SGCD: variants seen among roughly 807,000 people sequenced by gnomAD.
SGCD encodes the protein sarcoglycan delta, also known as delta-sarcoglycan.
In SGCD, 18 loss-of-function variants were observed where a neutral mutation model predicts 36.6. The observed-to-expected ratio is 0.49, with a 90% CI of 0.34 to 0.73. The LOEUF (loss-of-function observed/expected upper bound fraction) is 0.73, where lower values mean the gene tolerates loss of function less well. SGCD is among the 30% of genes least tolerant of loss of function. The pLI, the probability that SGCD is intolerant of heterozygous loss-of-function variation, is 0.01. For synonymous variants in SGCD, 133 were observed against 130.6 expected, an observed-to-expected ratio of 1.02 and a Z score of -0.12; for missense variants, 387 against 346.7, an observed-to-expected ratio of 1.12 and a Z score of -0.92.
chr5:156,662,934 G>T (rs1763989767), intron 7 of SGCD, among the ~76,000 whole-genome samples: 1 of 150,210 alleles, frequency 6.7e-6, no homozygotes, highest in Non-Finnish European at 1.5e-5. Flanking sequence ...CCAAGTTAGT[G>T]GTATGGGTTT....
chr5:156,428,177 G>A (rs551439515), intron 3 of SGCD, among the ~76,000 whole-genome samples: 1 of 151,882 alleles, frequency 6.6e-6, no homozygotes, highest in African/African-American at 2.4e-5. Flanking sequence ...GACTTTTTTT[G>A]TTGGTAGGTA....
chr5:156,492,574 AATT>A (rs1317602962), intron 3 of SGCD, among the ~76,000 whole-genome samples: 4 of 152,226 alleles, frequency 2.6e-5, no homozygotes, highest in South Asian at 4.1e-4. Flanking sequence ...TTTTTTTAAA[AATT>A]ATTATACTTT....
At chr5:155,930,612 G>C (rs1757080902) in intron 1 of SGCD, among the ~76,000 whole-genome samples, 1 of 152,082 alleles carries the variant, frequency 6.6e-6, no homozygotes. Context: ...TGCAGGTCTG[G>C]GAGTAGGGTC....
At chr5:156,030,312 G>T (rs1241510476) in intron 1 of SGCD, among the ~76,000 whole-genome samples, 5 of 152,172 alleles carry the variant, frequency 3.3e-5, no homozygotes, top group African/African-American at 4.8e-5. Context: ...TTAAGGCGAG[G>T]TCATATTGGG....
chr5:156,695,136 G>T (rs75928274), intron 7 of SGCD, among the ~76,000 whole-genome samples: 3,245 of 48,972 alleles, frequency 0.066, 94 homozygotes, highest in African/African-American at 0.15. Context: ...GTGTGTGTGT[G>T]TTTGTGTGTG....
At chr5:156,371,003 CT>C (rs1770360164) in intron 3 of SGCD, among the ~76,000 whole-genome samples, 1 of 152,014 alleles carries the variant, frequency 6.6e-6, no homozygotes, top group African/African-American at 2.4e-5. Context: ...TGATGTTTTT[CT>C]CCCCTTATGG....
At chr5:156,574,660 G>A (rs1182429758) in intron 4 of SGCD, among the ~76,000 whole-genome samples, 2 of 152,006 alleles carry the variant, frequency 1.3e-5, no homozygotes, top group Non-Finnish European at 2.9e-5. Context: ...TTTTTAAGAG[G>A]TCATACCTCC....
intron 1 of SGCD, among the ~76,000 whole-genome samples, chr5:156,088,040 G>A (rs545437416): frequency 1.7e-4 from 26 of 152,210 alleles, no homozygotes; most frequent in African/African-American, 4.8e-4. Context: ...GGGATCAGTC[G>A]CTTGCAGCCA....
chr5:156,624,315 C>G lies in SGCD; in HGVS notation c.503-23149C>G, dbSNP rs189105321. On this transcript the variant is annotated intron_variant, in intron 6 of 8. Coordinates refer to ENST00000337851, the MANE Select transcript of SGCD (RefSeq NM_000337.6). ...ACCACTCTTGGGCCAGGCGCGGTGG[C>G]TCATGCCTGTAATCCCAGGACTTTG... Among the ~76,000 whole-genome samples the G allele has an allele frequency of 7.5e-3, 1,137 of 152,306 alleles. 9 individuals carry two copies. Among genetic ancestry groups the G allele is most frequent in the Non-Finnish European group, 0.011 (765 of 68,026 alleles).
intron 7 of SGCD, among the ~76,000 whole-genome samples, chr5:156,673,959 G>A (rs753214861): frequency 6.6e-6 from 1 of 152,174 alleles, no homozygotes; most frequent in Non-Finnish European, 1.5e-5. Flanking sequence ...GTCTATTAGT[G>A]TATGGTTCTC....
chr5:156,690,457 A>C (rs537177601), intron 7 of SGCD, among the ~76,000 whole-genome samples: 1 of 152,258 alleles, frequency 6.6e-6, no homozygotes, highest in South Asian at 2.1e-4. Flanking sequence ...GGTATAAGCT[A>C]AGCTTTGGTT....
chr5:156,212,323 T>C (rs1468406544), intron 3 of SGCD, among the ~76,000 whole-genome samples: 2 of 152,110 alleles, frequency 1.3e-5, no homozygotes, highest in East Asian at 1.9e-4. Flanking sequence ...TCTTTGCAAA[T>C]GGCAACCAAA....
chr5:156,500,416 C>G (rs1581083487), intron 3 of SGCD, among the ~76,000 whole-genome samples: 1 of 152,096 alleles, frequency 6.6e-6, no homozygotes, highest in Admixed American at 6.5e-5. Context: ...GGATCCAAAC[C>G]AAGTAATGCC....
At chr5:156,411,780 C>T (rs1015583490) in intron 3 of SGCD, among the ~76,000 whole-genome samples, 1 of 152,216 alleles carries the variant, frequency 6.6e-6, no homozygotes, top group Non-Finnish European at 1.5e-5. Flanking sequence ...TTGACACATA[C>T]ACCAAAAACT....
intron 1 of SGCD, among the ~76,000 whole-genome samples, chr5:155,991,920 G>A (rs1490789505): frequency 2.0e-5 from 3 of 152,108 alleles, no homozygotes; most frequent in African/African-American, 7.2e-5. Context: ...ATAGCACTGG[G>A]GGATAAGAAT....
At chr5:155,943,090 A>C (rs1219043215) in intron 1 of SGCD, among the ~76,000 whole-genome samples, 2 of 152,232 alleles carry the variant, frequency 1.3e-5, no homozygotes, top group Non-Finnish European at 2.9e-5. Context: ...TTATTCCCTA[A>C]GTAGATTTTC....
chr5:155,988,806 T>C (rs1173699556), intron 1 of SGCD, among the ~76,000 whole-genome samples: 1 of 152,182 alleles, frequency 6.6e-6, no homozygotes, highest in Non-Finnish European at 1.5e-5. Context: ...ACGGGATAAA[T>C]GTGAGACTTA....
intron 3 of SGCD, among the ~76,000 whole-genome samples, chr5:156,240,525 A>G (rs1240851474): frequency 6.6e-6 from 1 of 152,186 alleles, no homozygotes; most frequent in Admixed American, 6.5e-5. Flanking sequence ...GGGTCAGTAC[A>G]GACAAGTGCT....
chr5:156,590,281 G>C (rs981330714), intron 5 of SGCD, among the ~76,000 whole-genome samples: 2 of 152,076 alleles, frequency 1.3e-5, no homozygotes, highest in African/African-American at 4.8e-5. Flanking sequence ...TTCACTCCTG[G>C]GGAGGGAGCC....
Sources: allele counts gnomAD v4.1 joint callset (sites outside exome capture counted in the v4.1 genomes callset), GRCh38; gene constraint gnomAD v4.1.1; transcripts MANE v1.5; gene names NCBI Gene and HGNC (gene_info 2026-07-23, HGNC 2026-07-21).